ARHGAP26: variants seen among roughly 807,000 people sequenced by gnomAD.
The protein encoded by ARHGAP26 is rho GTPase-activating protein 26.
Under a neutral mutation model 104.8 loss-of-function variants are expected in ARHGAP26, and 38 were observed. The ratio of observed to expected loss-of-function variants is 0.36; its 90% CI spans 0.28 to 0.48. The LOEUF is 0.48. Among genes scored for constraint, ARHGAP26 ranks in the 20% least tolerant of loss-of-function variants. The probability of loss-of-function intolerance (pLI) is 0.99; values close to 1 mark genes in which losing one functional copy is unlikely to be tolerated. For missense variants in ARHGAP26, 704 were observed against 947.9 expected, an observed-to-expected ratio of 0.74 and a Z score of 3.38; for synonymous variants, 341 against 340.0, an observed-to-expected ratio of 1.00 and a Z score of -0.03.
At chr5:142,799,108 T>C (rs1431996259) in intron 1 of ARHGAP26, among the ~76,000 whole-genome samples, 1 of 152,222 alleles carries the variant, frequency 6.6e-6, no homozygotes, top group Non-Finnish European at 1.5e-5. Flanking sequence ...TTTCTGCTTT[T>C]ACTCTTACTG....
chr5:142,827,899 GTGTAGATACTGC>G (rs1357199959), intron 1 of ARHGAP26, among the ~76,000 whole-genome samples: 1 of 152,228 alleles, frequency 6.6e-6, no homozygotes, highest in Non-Finnish European at 1.5e-5. Context: ...CATCCGGGAA[GTGTAGATACTGC>G]TTTTATTTTT....
intron 11 of ARHGAP26, among the ~76,000 whole-genome samples, chr5:142,956,951 G>T (rs1055666972): frequency 3.9e-5 from 6 of 152,064 alleles, no homozygotes; most frequent in African/African-American, 1.4e-4. Context: ...ATCTCCCCCT[G>T]GGTCCCTCCC....
At chr5:142,780,660 T>A (rs1231312310) in intron 1 of ARHGAP26, among the ~76,000 whole-genome samples, 1 of 152,252 alleles carries the variant, frequency 6.6e-6, no homozygotes, top group Non-Finnish European at 1.5e-5. Context: ...GAATGTAGGA[T>A]CCCAGAGACC....
chr5:142,846,697 C>G (rs1291158475), intron 1 of ARHGAP26, among the ~76,000 whole-genome samples: 3 of 152,156 alleles, frequency 2.0e-5, no homozygotes, highest in African/African-American at 7.2e-5. Context: ...TTGTGCTGTC[C>G]TGTGAGAATC....
intron 20 of ARHGAP26, among the ~76,000 whole-genome samples, chr5:143,167,464 C>G (rs1253382757): frequency 9.5e-6 from 1 of 105,500 alleles, no homozygotes; most frequent in Admixed American, 1.4e-4. Flanking sequence ...GCCTGCATGA[C>G]AGAGCAAGAC....
At chr5:143,013,248 C>CA (rs1452886730) in intron 11 of ARHGAP26, among the ~76,000 whole-genome samples, 2 of 151,988 alleles carry the variant, frequency 1.3e-5, no homozygotes, top group African/African-American at 2.4e-5. Flanking sequence ...TAAATTTTGT[C>CA]AAAAAATGTA....
chr5:142,975,668 C>T (rs538741610), intron 11 of ARHGAP26, among the ~76,000 whole-genome samples: 1 of 152,234 alleles, frequency 6.6e-6, no homozygotes, highest in South Asian at 2.1e-4. Flanking sequence ...AGTCAGTAAA[C>T]TTCATCATTC....
chr5:142,841,466 G>A (rs1044274676), intron 1 of ARHGAP26, among the ~76,000 whole-genome samples: 1 of 152,174 alleles, frequency 6.6e-6, no homozygotes, highest in African/African-American at 2.4e-5. Context: ...AGGATGCAGC[G>A]GTTCCTGCAG....
intron 1 of ARHGAP26, among the ~76,000 whole-genome samples, chr5:142,782,237 G>C (rs1247359861): frequency 6.6e-6 from 1 of 152,276 alleles, no homozygotes; most frequent in Non-Finnish European, 1.5e-5. Flanking sequence ...GTTCCTGCAG[G>C]GCATGCAGGT....
intron 17 of ARHGAP26, among the ~76,000 whole-genome samples, chr5:143,114,520 C>G (rs1466915382): frequency 6.6e-6 from 1 of 152,128 alleles, no homozygotes; most frequent in Non-Finnish European, 1.5e-5. Context: ...TCTGGTTAGC[C>G]ACAAAAAAGT....
chr5:142,931,444 A>G (rs772869151), intron 10 of ARHGAP26, among the ~76,000 whole-genome samples: 6 of 152,194 alleles, frequency 3.9e-5, no homozygotes, highest in African/African-American at 4.8e-5. Flanking sequence ...AGTGAGTGAA[A>G]TGATCTCATG....
intron 17 of ARHGAP26, among the ~76,000 whole-genome samples, chr5:143,115,382 TA>T (rs1795313262): frequency 2.0e-5 from 3 of 151,770 alleles, no homozygotes; most frequent in African/African-American, 7.3e-5. Context: ...GACGTACTAT[TA>T]TGATTTGGGG....
chr5:142,856,948 G>A (rs1222396693), intron 1 of ARHGAP26, among the ~76,000 whole-genome samples: 1 of 152,152 alleles, frequency 6.6e-6, no homozygotes, highest in Non-Finnish European at 1.5e-5. Context: ...CACAGTTCTG[G>A]AGGCCAGAAA....
intron 11 of ARHGAP26, among the ~76,000 whole-genome samples, chr5:143,013,728 C>G (rs1406369873): frequency 6.6e-6 from 1 of 152,246 alleles, no homozygotes; most frequent in Non-Finnish European, 1.5e-5. Context: ...ATGTGAAATG[C>G]TTAGCACATT....
chr5:142,966,146 C>T (rs1771286629), intron 11 of ARHGAP26, among the ~76,000 whole-genome samples: 1 of 152,120 alleles, frequency 6.6e-6, no homozygotes. Context: ...ACTTCTCTTT[C>T]TGTTTGTAAG....
chr5:143,050,018 G>T (rs879392825), intron 14 of ARHGAP26, among the ~76,000 whole-genome samples: 3 of 152,190 alleles, frequency 2.0e-5, no homozygotes, highest in Non-Finnish European at 4.4e-5. Flanking sequence ...GCCCCAGAAA[G>T]TAGCCCCCAA....
intron 10 of ARHGAP26, among the ~76,000 whole-genome samples, chr5:142,929,727 G>C (rs528265440): frequency 6.6e-6 from 1 of 152,326 alleles, no homozygotes; most frequent in Middle Eastern, 3.4e-3. Flanking sequence ...TTCCTCTGTG[G>C]CTTGGGGTGG....
intron 17 of ARHGAP26, among the ~76,000 whole-genome samples, chr5:143,102,656 C>T (rs1793424525): frequency 6.6e-6 from 1 of 152,238 alleles, no homozygotes; most frequent in Admixed American, 6.5e-5. Context: ...TTTCATTGCA[C>T]AGCTCATGAA....
intron 20 of ARHGAP26, among the ~76,000 whole-genome samples, chr5:143,187,699 C>T (rs781531622): frequency 6.6e-6 from 1 of 152,236 alleles, no homozygotes. Context: ...AATGACTCAA[C>T]CCCTCCAACC....
Sources: allele counts gnomAD v4.1 joint callset (sites outside exome capture counted in the v4.1 genomes callset), GRCh38; gene constraint gnomAD v4.1.1; transcripts MANE v1.5; gene names NCBI Gene and HGNC (gene_info 2026-07-23, HGNC 2026-07-21).